The following RCHY1 variants were observed in gnomAD, a reference collection of about 807,000 sequenced individuals.
The protein encoded by RCHY1 is ring finger and CHY zinc finger domain containing 1, also known as RING finger and CHY zinc finger domain-containing protein 1.
A neutral mutation model predicts 41.6 loss-of-function variants in RCHY1; 21 were observed. The ratio of observed to expected loss-of-function variants is 0.51; its 90% CI spans 0.36 to 0.73. The LOEUF (loss-of-function observed/expected upper bound fraction) is 0.73. RCHY1 is among the 30% of genes least tolerant of loss of function. The pLI, the probability that RCHY1 is intolerant of heterozygous loss-of-function variation, is 0.00. For synonymous variants in RCHY1, 79 were observed against 102.9 expected (o/e 0.77, Z 1.41); for missense variants, 265 against 325.3 (o/e 0.81, Z 1.43).
rs766784183 is a variant in RCHY1, at chr4:75,494,166, C to T, written c.340G>A (p.Glu114Lys). The T allele has an allele frequency of 1.3e-6, 2 of 1,570,102 alleles. No homozygotes were observed. Among genetic ancestry groups the T allele is most frequent in the Admixed American group, 2.0e-5 (1 of 49,608 alleles). Residue 114 changes from glutamate (E) to lysine (K), a missense_variant, in exon 4 of 9, where the codon GAA (glutamate) becomes AAA (lysine). By Grantham distance (56) the Glu-to-Lys change is moderately conservative. Coordinates refer to ENST00000324439, the MANE Select transcript of RCHY1 (RefSeq NM_015436.4). ...NCGICRIGPK[E>K]DFFHCLKCNL... is the part of the protein sequence containing the mutation. ...CATTTCAAACAATGGAAAAAATCTT[C>T]CTTTGGACCAATCCTAGCAAAACAC...
intron 3 of RCHY1, among the ~76,000 whole-genome samples, chr4:75,495,748 G>C (rs1376630451): frequency 6.6e-6 from 1 of 152,026 alleles, no homozygotes; most frequent in African/African-American, 2.4e-5. Flanking sequence ...TTGGGTTTCT[G>C]TCACAAGATG....
chr4:75,490,493 ATT>A (rs11422865), intron 8 of RCHY1, 86 bp downstream of exon 8: 20 of 843,776 alleles, frequency 2.4e-5, no homozygotes, highest in Non-Finnish European at 2.5e-5. Context: ...GTATATATAT[ATT>A]TTTTTTTTGG....
chr4:75,512,360 A>G (rs1724976190), intron 1 of RCHY1, among the ~76,000 whole-genome samples: 1 of 152,182 alleles, frequency 6.6e-6, no homozygotes, highest in South Asian at 2.1e-4. Context: ...CCTGAAAAGA[A>G]CATCCTCCTA....
intron 3 of RCHY1, among the ~76,000 whole-genome samples, chr4:75,504,477 T>C (rs1203722339): frequency 6.6e-6 from 1 of 152,228 alleles, no homozygotes; most frequent in East Asian, 1.9e-4. Flanking sequence ...ATTGTCCTAA[T>C]ATTTTTCTCT....
At chr4:75,492,073 AAG>A (rs1722800451) in intron 4 of RCHY1, 140 bp from the exon 5 acceptor site, 1 of 577,766 alleles carries the variant, frequency 1.7e-6, no homozygotes, top group Non-Finnish European at 2.9e-6. Context: ...TATATGTAAG[AAG>A]AGTTTTTTAA....
intron 8 of RCHY1, among the ~76,000 whole-genome samples, chr4:75,483,224 T>C (rs912640525): frequency 2.0e-5 from 3 of 152,198 alleles, no homozygotes; most frequent in Admixed American, 6.5e-5. Context: ...GTTTAAGAAT[T>C]AATTTCTTCT....
At chr4:75,492,401 C>T (rs1446262240) in intron 4 of RCHY1, among the ~76,000 whole-genome samples, 1 of 151,890 alleles carries the variant, frequency 6.6e-6, no homozygotes, top group Non-Finnish European at 1.5e-5. Context: ...ATCTCACAAT[C>T]CTAGATGAAA....
intron 8 of RCHY1, among the ~76,000 whole-genome samples, chr4:75,488,475 T>C (rs545755946): frequency 4.6e-5 from 7 of 152,170 alleles, no homozygotes; most frequent in Non-Finnish European, 1.0e-4. Flanking sequence ...TAACAATTCC[T>C]AGAACTCTAA....
Position 75,481,827 on chromosome 4 carries a change from T to C in RCHY1, c.*711A>G, listed in dbSNP as rs967905478. 6 of 152,288 alleles carry C rather than the reference T, an allele frequency of 3.9e-5. No homozygotes were observed. Among genetic ancestry groups the C allele is most frequent in the Middle Eastern group, 6.8e-3 (2 of 294 alleles). The allele number at this position is 152,288 out of a possible 1,614,324, so 9.4% of individuals were successfully genotyped here. A position where few individuals can be genotyped will look rare whatever the true frequency, so the allele number is the denominator to read the frequency against. On this transcript the variant is annotated 3_prime_UTR_variant, in exon 9 of 9. Coordinates refer to ENST00000324439, the MANE Select transcript of RCHY1 (RefSeq NM_015436.4). The stretch of plus-strand genomic sequence containing the variant: ...TTTGGGCAACCTAAAAAAAACTGTT[T>C]TCAATGTTGATGTTTTTATTAAGGC...
At chr4:75,498,422 G>T (rs1176126181) in intron 3 of RCHY1, among the ~76,000 whole-genome samples, 1 of 97,320 alleles carries the variant, frequency 1.0e-5, no homozygotes, top group Non-Finnish European at 2.1e-5. Context: ...AGAAAGAAAA[G>T]AAATCCTAAA....
intron 3 of RCHY1, among the ~76,000 whole-genome samples, chr4:75,495,773 T>C (rs914703267): frequency 6.6e-6 from 1 of 152,074 alleles, no homozygotes; most frequent in African/African-American, 2.4e-5. Flanking sequence ...ATCCATACTC[T>C]AATGAATACA....
Position 75,508,885 on chromosome 4 carries a change from G to A in RCHY1, c.261C>T (p.Cys87=), listed in dbSNP as rs564323225. ...CTTTGTCAAACAAATGGCATATATC[G>A]CAATAATATTCTCCAAACAATGTGC... ...ECSTLFGEYY[C]DICHLFDKDK... Residue 87 remains cysteine (C), a synonymous_variant, in exon 3 of 9, where the codon TGC becomes TGT. Coordinates refer to ENST00000324439, the MANE Select transcript of RCHY1 (RefSeq NM_015436.4). 2.8e-5 allele frequency: 45 copies of A among 1,610,976 alleles called. No homozygotes were observed. In the East Asian group the frequency reaches 2.9e-4, roughly 10 times the overall value.
chr4:75,506,268 A>C (rs1398773126), intron 3 of RCHY1, among the ~76,000 whole-genome samples: 1 of 152,052 alleles, frequency 6.6e-6, no homozygotes, highest in Non-Finnish European at 1.5e-5. Flanking sequence ...GAGCTTAATA[A>C]ATTTTTACAT....
Position 75,514,402 on chromosome 4 carries a change from A to C in RCHY1, c.-116T>G. The stretch of plus-strand genomic sequence containing the variant: ...AGCCCCAGCGGCCACTAGCGACAAT[A>C]TGGCTCCTAAGCACGTGACCCGGGG... On this transcript the variant is annotated 5_prime_UTR_variant, in exon 1 of 9. Transcript: ENST00000324439. 142 of 1,148,394 alleles carry C rather than the reference A, an allele frequency of 1.2e-4. No homozygotes were observed. The highest frequency in any genetic ancestry group is 1.5e-4 in the Non-Finnish European group (128 of 826,740). 71.1% of individuals were successfully genotyped at this position (1,148,394 alleles called of 1,614,324 possible).
intron 3 of RCHY1, among the ~76,000 whole-genome samples, chr4:75,503,736 C>T (rs1260838781): frequency 6.6e-6 from 1 of 151,908 alleles, no homozygotes; most frequent in Non-Finnish European, 1.5e-5. Context: ...GGTATCCTCA[C>T]TTAGTCATTT....
In RCHY1 at chr4:75,480,024, G is replaced by C. The variant is rs1721399475; in HGVS notation, c.*2514C>G. 6.6e-6 allele frequency: 1 copy of C among 152,196 alleles called. No individual in the cohort carries two copies. The highest frequency in any genetic ancestry group is 2.1e-4 in the South Asian group (1 of 4,832). The allele number at this position is 152,196 out of a possible 1,614,324, so 9.4% of individuals were successfully genotyped here. A position where few individuals can be genotyped will look rare whatever the true frequency, so the allele number is the denominator to read the frequency against. The stretch of plus-strand genomic sequence containing the variant: ...TTAAGGGTAAAGTTATGTATTTTAA[G>C]TTTTGCATACTGAATGGTAAGGGAT... On this transcript the variant is annotated 3_prime_UTR_variant, in exon 9 of 9. Transcript: ENST00000324439.
At position 75,482,125 on chromosome 4, in the gene RCHY1, TTAATA is replaced by T. The variant is rs907596658; in HGVS notation, c.*408_*412del. On this transcript the variant is annotated 3_prime_UTR_variant, in exon 9 of 9. Coordinates refer to ENST00000324439, the MANE Select transcript of RCHY1 (RefSeq NM_015436.4). ...TTAGGTTTTAACAGTAAGGGAGAAC[TTAATA>T]TAACACAGCCCTTAAAAAGTCAAGA... is the stretch of plus-strand genomic sequence containing the variant. The T allele has an allele frequency of 1.3e-4, 20 of 152,736 alleles. No homozygotes were observed. Among genetic ancestry groups the T allele is most frequent in the African/African-American group, 4.8e-4 (20 of 41,588 alleles). The allele number at this position is 152,736 out of a possible 1,614,324, so 9.5% of individuals were successfully genotyped here.
At chr4:75,513,615 T>A (rs990149442) in intron 1 of RCHY1, among the ~76,000 whole-genome samples, 1 of 152,160 alleles carries the variant, frequency 6.6e-6, no homozygotes, top group Non-Finnish European at 1.5e-5. Flanking sequence ...TAAAAAAAAA[T>A]ACAGATTAAG....
At chr4:75,490,857 C>A (rs186215331) in intron 7 of RCHY1, 156 bp from the exon 8 acceptor site, 137 of 534,300 alleles carry the variant, frequency 2.6e-4, no homozygotes, top group Non-Finnish European at 5.2e-5. Context: ...AACTTTCACA[C>A]TATAAAACTT....
Sources: allele counts gnomAD v4.1 joint callset (sites outside exome capture counted in the v4.1 genomes callset), GRCh38; gene constraint gnomAD v4.1.1; transcripts MANE v1.5; gene names NCBI Gene and HGNC (gene_info 2026-07-23, HGNC 2026-07-21).